The following SCN4B variants were observed in gnomAD, a reference collection of about 807,000 sequenced individuals.
The protein encoded by SCN4B is sodium voltage-gated channel beta subunit 4.
SCN4B carries 20 observed loss-of-function variants against 19.6 expected under a neutral mutation model. The observed-to-expected ratio is 1.02, with a 90% CI of 0.72 to 1.48. The LOEUF is 1.48. SCN4B is among the 40% of genes most tolerant of loss of function. The probability of loss-of-function intolerance (pLI) is 0.00; values close to 1 mark genes in which losing one functional copy is unlikely to be tolerated. For missense variants in SCN4B, 271 were observed against 287.5 expected, an observed-to-expected ratio of 0.94 and a Z score of 0.42; for synonymous variants, 127 against 122.8, an observed-to-expected ratio of 1.03 and a Z score of -0.22.
At chr11:118,146,223 C>T (rs1225194612) in intron 1 of SCN4B, among the ~76,000 whole-genome samples, 5 of 152,226 alleles carry the variant, frequency 3.3e-5, no homozygotes, top group Non-Finnish European at 5.9e-5. Context: ...CGGCCCCCTC[C>T]GCTGGGACTA....
chr11:118,149,348 C>T (rs1377050130), intron 1 of SCN4B, among the ~76,000 whole-genome samples: 1 of 152,142 alleles, frequency 6.6e-6, no homozygotes, highest in Non-Finnish European at 1.5e-5. Flanking sequence ...GGCAAGTGGA[C>T]ACACGGCTGA....
At position 118,144,065 on chromosome 11, in the gene SCN4B, G is replaced by A; in HGVS notation, c.235-4C>T. The stretch of plus-strand genomic sequence containing the variant: ...TCTTCACAGTCCCCTCTATGAGCTG[G>A]TGGAGGAAGGGAGTTGGGGTGAGAA... On this transcript the variant is annotated splice_region_variant and splice_polypyrimidine_tract_variant and intron_variant, in intron 2 of 4. Transcript: ENST00000324727. The A allele has an allele frequency of 6.3e-7, 1 of 1,599,898 alleles. No individual in the cohort carries two copies.
At chr11:118,144,369 C>G (rs566316645) in intron 2 of SCN4B, among the ~76,000 whole-genome samples, 1 of 152,316 alleles carries the variant, frequency 6.6e-6, no homozygotes, top group East Asian at 1.9e-4. Flanking sequence ...CCTGCAAGCA[C>G]CGCACTCATC....
rs1225844907 is a variant in SCN4B at position 118,136,210 on chromosome 11, G to T, written c.*817C>A. 4.4e-6 allele frequency: 2 copies of T among 453,776 alleles called. No homozygotes were observed. The highest frequency in any genetic ancestry group is 3.1e-5 in the South Asian group (2 of 64,476). The allele number at this position is 453,776 out of a possible 1,614,324, so 28.1% of individuals were successfully genotyped here. On this transcript the variant is annotated 3_prime_UTR_variant, in exon 5 of 5. Coordinates refer to ENST00000324727, the MANE Select transcript of SCN4B (RefSeq NM_174934.4). ...TGGGGCGGGCATCCCAGAGGCCCAG[G>T]ACACTGGCTCACTACCTCTGTGGCC... is the stretch of plus-strand genomic sequence containing the variant.
chr11:118,141,734 T>TGATA (rs1446891363), intron 3 of SCN4B: 15 of 273,590 alleles, frequency 5.5e-5, no homozygotes, highest in Non-Finnish European at 9.3e-5. Context: ...AACCTCCCTA[T>TGATA]GATACCTCTT....
chr11:118,142,442 C>T (rs193236407), intron 3 of SCN4B, among the ~76,000 whole-genome samples: 1 of 152,370 alleles, frequency 6.6e-6, no homozygotes. Context: ...GAGCCCTTCC[C>T]TATTCACCCT....
intron 4 of SCN4B, among the ~76,000 whole-genome samples, chr11:118,140,497 G>A (rs958483397): frequency 2.6e-5 from 4 of 152,184 alleles, no homozygotes; most frequent in Non-Finnish European, 2.9e-5. Flanking sequence ...AAGCCATCTC[G>A]TCGCATCTGT....
intron 4 of SCN4B, among the ~76,000 whole-genome samples, 171 bp downstream of exon 4, chr11:118,141,036 C>T (rs1441656986): frequency 6.8e-6 from 1 of 146,862 alleles, no homozygotes; most frequent in African/African-American, 2.5e-5. Context: ...AGAGGGAAAG[C>T]GATGAGGAAG....
Position 118,148,446 on chromosome 11 carries a change from GA to G in SCN4B, c.62-3218del, listed in dbSNP as rs1948204492. ...CTTCAGGATGACCAAGTCCAGAGAGGACTGGTGAGCATGCGCAAGGCAGGCC... is the reference window on the plus strand; with the variant it reads ...CTTCAGGATGACCAAGTCCAGAGAGGCTGGTGAGCATGCGCAAGGCAGGCC... On this transcript the variant is annotated intron_variant, in intron 1 of 4. Transcript: ENST00000324727. This position sits in a 1 kb window ranked among gnomAD's most constrained non-coding sequence, Gnocchi z 4.0. 6.6e-6 allele frequency among the ~76,000 whole-genome samples: 1 copy of G among 152,238 alleles called. No individual in the cohort carries two copies. Among genetic ancestry groups the G allele is most frequent in the Non-Finnish European group, 1.5e-5 (1 of 68,042 alleles).
At chr11:118,147,214 G>A (rs2135507199) in intron 1 of SCN4B, among the ~76,000 whole-genome samples, 1 of 152,306 alleles carries the variant, frequency 6.6e-6, no homozygotes, top group East Asian at 1.9e-4. Flanking sequence ...CAGGTATAAT[G>A]TTCCCATTTT....
rs1369033778 is a variant in SCN4B, at chr11:118,148,635, A to G, written c.62-3406T>C. 6.6e-6 allele frequency among the ~76,000 whole-genome samples: 1 copy of G among 152,162 alleles called. No individual in the cohort carries two copies. Among genetic ancestry groups the G allele is most frequent in the Admixed American group, 6.5e-5 (1 of 15,276 alleles). On this transcript the variant is annotated intron_variant, in intron 1 of 4. Transcript: ENST00000324727. The surrounding 1 kb of genome is among the most constrained non-coding windows in gnomAD (Gnocchi z 4.0). ...GGGCCGCCGTGAGTGGGCACCCTGCAGGTAGAGGAGGGTGGTATTTGAAAG... is the reference window on the plus strand; with the variant it reads ...GGGCCGCCGTGAGTGGGCACCCTGCGGGTAGAGGAGGGTGGTATTTGAAAG...
At position 118,141,463 on chromosome 11, in the gene SCN4B, C is replaced by T. The variant is rs656469; in HGVS notation, c.464-127G>A. On this transcript the variant is annotated intron_variant, in intron 3 of 4. Coordinates refer to ENST00000324727, the MANE Select transcript of SCN4B (RefSeq NM_174934.4). The stretch of plus-strand genomic sequence containing the variant: ...CCTGGCATCCGGGGCACATCCACTC[C>T]CAGACCCCCAGCCCTCCCCAGGCCT... 7,839 of 1,081,754 alleles carry T rather than the reference C, an allele frequency of 7.2e-3. 370 individuals carry two copies. In the African/African-American group the frequency reaches 0.11, roughly 15 times the overall value. The allele number at this position is 1,081,754 out of a possible 1,614,324, so 67.0% of individuals were successfully genotyped here. A position where few individuals can be genotyped will look rare whatever the true frequency, so the allele number is the denominator to read the frequency against.
At chr11:118,138,992 CCCAGGCTCTT>C (rs1320353402) in intron 4 of SCN4B, among the ~76,000 whole-genome samples, 1 of 152,090 alleles carries the variant, frequency 6.6e-6, no homozygotes, top group Non-Finnish European at 1.5e-5. Flanking sequence ...GTCCCCTGCC[CCCAGGCTCTT>C]CCACCCAATC....
In SCN4B at chr11:118,143,779, G is replaced by A. The variant is rs753389587; in HGVS notation, c.463+54C>T. On this transcript the variant is annotated intron_variant, in intron 3 of 4. Transcript: ENST00000324727. ...CCATTTCACTGTGATGCTGAGTTGG[G>A]TGCCTCCCAAGTCCTTCCCACGCCA... 1.8e-5 allele frequency: 23 copies of A among 1,298,932 alleles called. 3 individuals carry two copies. The South Asian group carries it at 1.8e-4, about 10-fold the overall frequency. 80.5% of individuals were successfully genotyped at this position (1,298,932 alleles called of 1,614,324 possible).
chr11:118,145,993 C>G (rs868476247), intron 1 of SCN4B, among the ~76,000 whole-genome samples: 1 of 151,702 alleles, frequency 6.6e-6, no homozygotes, highest in Non-Finnish European at 1.5e-5. Flanking sequence ...GGCGCGCGGG[C>G]GCAGCCAGGG....
rs1388618618 is a variant in SCN4B, at chr11:118,148,518, G to A, written c.62-3289C>T. Among the ~76,000 whole-genome samples the A allele has an allele frequency of 1.3e-5, 2 of 152,248 alleles. No homozygotes were observed. Among genetic ancestry groups the A allele is most frequent in the Non-Finnish European group, 2.9e-5 (2 of 68,048 alleles). ...GAGAAAGTCAGAGGTGCCACATCCG[G>A]TGTGCATATCCCCAAGCCAGGGCAG... On this transcript the variant is annotated intron_variant, in intron 1 of 4. Coordinates refer to ENST00000324727, the MANE Select transcript of SCN4B (RefSeq NM_174934.4). This position sits in a 1 kb window ranked among gnomAD's most constrained non-coding sequence, Gnocchi z 4.0.
rs751855090 is a variant in SCN4B at position 118,134,023 on chromosome 11, C to T, written c.*3004G>A. 5 of 454,612 alleles carry T rather than the reference C, an allele frequency of 1.1e-5. No homozygotes were observed. The highest frequency in any genetic ancestry group is 1.4e-4 in the East Asian group (2 of 14,408). The allele number at this position is 454,612 out of a possible 1,614,324, so 28.2% of individuals were successfully genotyped here. A position where few individuals can be genotyped will look rare whatever the true frequency, so the allele number is the denominator to read the frequency against. On this transcript the variant is annotated 3_prime_UTR_variant, in exon 5 of 5. Coordinates refer to ENST00000324727, the MANE Select transcript of SCN4B (RefSeq NM_174934.4). ...CCACACTGCCTGCACACGCACACTCCACACAAGCACACCCCACCTCCTGCC... is the reference window on the plus strand; with the variant it reads ...CCACACTGCCTGCACACGCACACTCTACACAAGCACACCCCACCTCCTGCC...
At chr11:118,145,926 G>C (rs961287786) in intron 1 of SCN4B, among the ~76,000 whole-genome samples, 2 of 152,218 alleles carry the variant, frequency 1.3e-5, no homozygotes, top group African/African-American at 2.4e-5. Flanking sequence ...GGCCTGGCAG[G>C]GGGGAACACG....
rs200930587 is a variant in SCN4B at position 118,135,217 on chromosome 11, G to A, written c.*1810C>T. 5 of 453,764 alleles carry A rather than the reference G, an allele frequency of 1.1e-5. No homozygotes were observed. The East Asian group carries it at 3.5e-4, about 31-fold the overall frequency. 28.1% of individuals were successfully genotyped at this position (453,764 alleles called of 1,614,324 possible). On this transcript the variant is annotated 3_prime_UTR_variant, in exon 5 of 5. Coordinates refer to ENST00000324727, the MANE Select transcript of SCN4B (RefSeq NM_174934.4). ...GAGAAGAATGGGAGGCGCACAGGCA[G>A]ATCAGACGGGGAACTGGTGAGCCCA... is the stretch of plus-strand genomic sequence containing the variant.
Sources: gnomAD v4.1 joint callset for allele counts (sites outside exome capture counted in the v4.1 genomes callset) on GRCh38, gnomAD v4.1.1 for gene constraint, Gnocchi (gnomAD v3.1) non-coding constraint, MANE v1.5 for transcripts, NCBI Gene and HGNC (gene_info 2026-07-23, HGNC 2026-07-21) for gene names.